DPH6: variants seen among roughly 807,000 people sequenced by gnomAD.
DPH6 encodes diphthamine biosynthesis 6.
Under a neutral mutation model 38.2 loss-of-function variants are expected in DPH6, and 33 were observed. The observed-to-expected ratio is 0.86, with a 90% CI of 0.65 to 1.15. The LOEUF (loss-of-function observed/expected upper bound fraction) is 1.15, where lower values mean the gene tolerates loss of function less well. Ranked by LOEUF, DPH6 falls within the 50% of genes most tolerant of loss-of-function variation. The pLI, the probability that DPH6 is intolerant of heterozygous loss-of-function variation, is 0.00. For synonymous variants in DPH6, 108 were observed against 103.0 expected (o/e 1.05, Z -0.30); for missense variants, 325 against 320.0 (o/e 1.02, Z -0.12).
intron 3 of DPH6, among the ~76,000 whole-genome samples, chr15:35,284,291 A>G (rs2051922988): frequency 6.6e-6 from 1 of 152,138 alleles, no homozygotes; most frequent in South Asian, 2.1e-4. Flanking sequence ...ACAACAAGAA[A>G]CCCTTCTAAA....
At chr15:35,375,262 G>A (rs1464623705) in intron 7 of DPH6, among the ~76,000 whole-genome samples, 1 of 152,028 alleles carries the variant, frequency 6.6e-6, no homozygotes, top group South Asian at 2.1e-4. Flanking sequence ...GAGAATATAT[G>A]ACATTCTGAG....
At chr15:35,327,414 T>C (rs559250553), downstream of DPH6, among the ~76,000 whole-genome samples, 3 of 151,180 alleles carry the variant, frequency 2.0e-5, no homozygotes, top group Admixed American at 1.3e-4. Context: ...GACGCAATCT[T>C]GGCTCACTGC....
chr15:35,389,711 C>T (rs991406462), intron 6 of DPH6, among the ~76,000 whole-genome samples: 1 of 152,110 alleles, frequency 6.6e-6, no homozygotes, highest in African/African-American at 2.4e-5. Flanking sequence ...TTCCTCCATC[C>T]CTTTATTTTG....
intron 3 of DPH6, among the ~76,000 whole-genome samples, chr15:35,465,160 G>A (rs537013367): frequency 7.2e-5 from 11 of 152,146 alleles, no homozygotes; most frequent in Non-Finnish European, 1.3e-4. Flanking sequence ...AAGAAGATAT[G>A]CAGCTTGCAT....
At chr15:35,247,734 T>G (rs1360710589) in intron 3 of DPH6, among the ~76,000 whole-genome samples, 1 of 152,176 alleles carries the variant, frequency 6.6e-6, no homozygotes, top group East Asian at 1.9e-4. Context: ...CTTTGCCCCC[T>G]TGAAATACTG....
chr15:35,235,595 T>C (rs2051545830), intron 3 of DPH6, among the ~76,000 whole-genome samples: 1 of 152,368 alleles, frequency 6.6e-6, no homozygotes, highest in African/African-American at 2.4e-5. Flanking sequence ...GAGAGCCTGA[T>C]TGCACTGCAG....
chr15:35,206,372 T>C, the DPH6 span, among the ~76,000 whole-genome samples: 2 of 152,118 alleles, frequency 1.3e-5, no homozygotes, highest in Non-Finnish European at 2.9e-5. Flanking sequence ...CACAGTTATA[T>C]TAGAACATAA....
the DPH6 span, among the ~76,000 whole-genome samples, chr15:35,161,740 T>A: frequency 6.6e-6 from 1 of 151,972 alleles, no homozygotes; most frequent in Non-Finnish European, 1.5e-5. Context: ...CTCTCTGCCA[T>A]GTGAAAACAC....
chr15:35,429,797 T>C (rs1206326490), intron 5 of DPH6, among the ~76,000 whole-genome samples: 1 of 152,124 alleles, frequency 6.6e-6, no homozygotes, highest in Non-Finnish European at 1.5e-5. Flanking sequence ...ATTGAAAGGA[T>C]ATCTGTAATG....
chr15:35,284,758 C>T (rs2051928541), intron 3 of DPH6, among the ~76,000 whole-genome samples: 1 of 147,326 alleles, frequency 6.8e-6, no homozygotes, highest in Non-Finnish European at 1.5e-5. Context: ...AAAAGCAAAC[C>T]TATGACAGAT....
intron 3 of DPH6, among the ~76,000 whole-genome samples, chr15:35,270,826 C>A (rs2051817984): frequency 6.6e-6 from 1 of 152,150 alleles, no homozygotes; most frequent in Non-Finnish European, 1.5e-5. Context: ...CTAACACAGA[C>A]AAGATACTTA....
At chr15:35,174,228 A>ATAT in the DPH6 span, among the ~76,000 whole-genome samples, 1 of 127,370 alleles carries the variant, frequency 7.9e-6, no homozygotes, top group Non-Finnish European at 1.7e-5. Context: ...TCTTTCTTTT[A>ATAT]TATTAGATCA....
intron 3 of DPH6, among the ~76,000 whole-genome samples, chr15:35,295,637 C>T (rs143206209): frequency 3.4e-4 from 52 of 152,250 alleles, no homozygotes; most frequent in African/African-American, 1.3e-3. Context: ...TTCTACAATA[C>T]CAACAATCCT....
At chr15:35,473,046 T>C (rs1302297155) in intron 3 of DPH6, among the ~76,000 whole-genome samples, 7 of 152,094 alleles carry the variant, frequency 4.6e-5, no homozygotes, top group Admixed American at 1.3e-4. Context: ...ATCTGGAAAG[T>C]AATAGAAGCA....
intron 3 of DPH6, among the ~76,000 whole-genome samples, chr15:35,309,018 A>G (rs1356526841): frequency 1.3e-5 from 2 of 152,220 alleles, no homozygotes; most frequent in Non-Finnish European, 2.9e-5. Flanking sequence ...ACTTTTTATG[A>G]ACTGAAGTCA....
At chr15:35,340,660 A>G (rs1406433478) in intron 3 of DPH6, among the ~76,000 whole-genome samples, 1 of 152,206 alleles carries the variant, frequency 6.6e-6, no homozygotes, top group Non-Finnish European at 1.5e-5. Context: ...TGGATATAAA[A>G]TTCTGGGTTG....
At chr15:35,536,060 C>A (rs1221357269) in intron 3 of DPH6, among the ~76,000 whole-genome samples, 1 of 152,020 alleles carries the variant, frequency 6.6e-6, no homozygotes, top group Admixed American at 6.6e-5. Flanking sequence ...GCTTTCCATA[C>A]TCCATTAATA....
the DPH6 span, among the ~76,000 whole-genome samples, chr15:35,152,300 CTAGTAT>C: frequency 6.6e-6 from 1 of 151,912 alleles, no homozygotes; most frequent in African/African-American, 2.4e-5. Flanking sequence ...AGTTCTGTGC[CTAGTAT>C]TAGTAAGTTA....
At chr15:35,271,286 T>C (rs1172279912) in intron 3 of DPH6, among the ~76,000 whole-genome samples, 1 of 152,180 alleles carries the variant, frequency 6.6e-6, no homozygotes, top group Non-Finnish European at 1.5e-5. Flanking sequence ...TATTCACCCT[T>C]TCTGGCTTTC....
Sources: allele counts gnomAD v4.1 joint callset (sites outside exome capture counted in the v4.1 genomes callset), GRCh38; gene constraint gnomAD v4.1.1; transcripts MANE v1.5; gene names NCBI Gene and HGNC (gene_info 2026-07-23, HGNC 2026-07-21).